Variants in CCDC85A observed in about 807,000 individuals in gnomAD.
CCDC85A encodes the protein coiled-coil domain containing 85A.
In CCDC85A, 38 loss-of-function variants were observed where a neutral mutation model predicts 50.2. The ratio of observed to expected loss-of-function variants is 0.76; its 90% CI spans 0.58 to 0.99. The LOEUF (loss-of-function observed/expected upper bound fraction) is 0.99. Ranked by LOEUF, CCDC85A falls within the 50% of genes least tolerant of loss-of-function variation. CCDC85A has a pLI of 0.00. For missense variants in CCDC85A, 820 were observed against 742.0 expected (o/e 1.11, Z -1.22); for synonymous variants, 366 against 301.4 (o/e 1.21, Z -2.22).
intron 2 of CCDC85A, among the ~76,000 whole-genome samples, chr2:56,312,346 G>T (rs768639312): frequency 3.1e-4 from 47 of 152,000 alleles, no homozygotes; most frequent in Non-Finnish European, 5.6e-4. Context: ...TGCTAAAAAT[G>T]CAAGAAATCA....
rs1311243002 is a variant in CCDC85A, at chr2:56,352,397, G to A, written c.1317+9442G>A. 2.0e-5 allele frequency among the ~76,000 whole-genome samples: 3 copies of A among 152,294 alleles called. No individual in the cohort carries two copies. The East Asian group carries it at 5.8e-4, about 29-fold the overall frequency. On this transcript the variant is annotated intron_variant, in intron 3 of 5. Coordinates refer to ENST00000407595, the MANE Select transcript of CCDC85A (RefSeq NM_001080433.2). ...ACAGGCACTCGCTCTACAGGCTGGA[G>A]TGTAGTGGTGTGATCGCGGCTCACT...
chr2:56,262,370 C>T (rs1460939224), intron 2 of CCDC85A, among the ~76,000 whole-genome samples: 1 of 152,160 alleles, frequency 6.6e-6, no homozygotes, highest in African/African-American at 2.4e-5. Flanking sequence ...CATAAAGACT[C>T]AGTTTTTCTG....
chr2:56,363,948 A>C (rs1675662905), intron 3 of CCDC85A, among the ~76,000 whole-genome samples: 1 of 152,246 alleles, frequency 6.6e-6, no homozygotes, highest in South Asian at 2.1e-4. Flanking sequence ...TGTTCTCAGC[A>C]ACAATGCCAT....
At chr2:56,323,122 C>A (rs1437594566) in intron 2 of CCDC85A, among the ~76,000 whole-genome samples, 1 of 151,996 alleles carries the variant, frequency 6.6e-6, no homozygotes, top group Non-Finnish European at 1.5e-5. Flanking sequence ...GGGTGGGGAA[C>A]ATCACACACC....
intron 4 of CCDC85A, among the ~76,000 whole-genome samples, chr2:56,374,942 C>A (rs1337695277): frequency 2.6e-5 from 4 of 152,150 alleles, no homozygotes; most frequent in African/African-American, 9.7e-5. Context: ...ATGAAAAATT[C>A]TGTAAATAGG....
intron 2 of CCDC85A, among the ~76,000 whole-genome samples, chr2:56,205,216 T>C (rs563120920): frequency 6.6e-6 from 1 of 152,266 alleles, no homozygotes; most frequent in African/African-American, 2.4e-5. Flanking sequence ...CAACTAAAGT[T>C]TGGAAGAGAG....
intron 2 of CCDC85A, among the ~76,000 whole-genome samples, chr2:56,198,692 G>A (rs1477184): frequency 0.032 from 4,812 of 152,260 alleles, 246 homozygotes; most frequent in African/African-American, 0.11. Context: ...TTCTAGTACA[G>A]TGTAAGGTTT....
In CCDC85A at chr2:56,295,286, A is replaced by G. The variant is rs150289066; in HGVS notation, c.1241-47593A>G. On this transcript the variant is annotated intron_variant, in intron 2 of 5. Transcript: ENST00000407595. Reference sequence around the variant, plus strand: ...TTACTTTTTGCTCACAGTTTTTAAGATCAATGTTTTTGAATTTTATAGCAG... The same window carrying G: ...TTACTTTTTGCTCACAGTTTTTAAGGTCAATGTTTTTGAATTTTATAGCAG... 2.0e-3 allele frequency among the ~76,000 whole-genome samples: 301 copies of G among 152,262 alleles called. 3 individuals are homozygous for G. Among genetic ancestry groups the G allele is most frequent in the African/African-American group, 6.3e-3 (261 of 41,568 alleles).
At chr2:56,344,006 T>C (rs1415280524) in intron 3 of CCDC85A, among the ~76,000 whole-genome samples, 2 of 152,154 alleles carry the variant, frequency 1.3e-5, no homozygotes, top group African/African-American at 2.4e-5. Context: ...AATCCTTTTT[T>C]CTTTCTTCCA....
At position 56,233,963 on chromosome 2, in the gene CCDC85A, A is replaced by G. The variant is rs544346390; in HGVS notation, c.1240+40523A>G. Reference sequence around the variant, plus strand: ...TGATGCATAATCAAATTGGAAATGCAAGGGCTGGGTTGTTTCTCAAGCATA... The same window carrying G: ...TGATGCATAATCAAATTGGAAATGCGAGGGCTGGGTTGTTTCTCAAGCATA... On this transcript the variant is annotated intron_variant, in intron 2 of 5. Transcript: ENST00000407595. Among the ~76,000 whole-genome samples the G allele has an allele frequency of 3.3e-5, 5 of 152,338 alleles. No homozygotes were observed. In the South Asian group the frequency reaches 1.0e-3, roughly 32 times the overall value.
intron 2 of CCDC85A, among the ~76,000 whole-genome samples, chr2:56,288,684 C>T (rs981692821): frequency 2.0e-5 from 3 of 149,728 alleles, no homozygotes; most frequent in Non-Finnish European, 4.4e-5. Context: ...TGCTTCTTCC[C>T]ACCATGCCCC....
At chr2:56,264,397 C>T (rs1232641821) in intron 2 of CCDC85A, among the ~76,000 whole-genome samples, 1 of 152,158 alleles carries the variant, frequency 6.6e-6, no homozygotes, top group Non-Finnish European at 1.5e-5. Flanking sequence ...ACCATCTTTT[C>T]TACTTCTAAG....
chr2:56,340,098 C>T (rs916906366), intron 2 of CCDC85A, among the ~76,000 whole-genome samples: 1 of 152,130 alleles, frequency 6.6e-6, no homozygotes, highest in African/African-American at 2.4e-5. Flanking sequence ...GTGATGGGGG[C>T]TTTCTGCACA....
chr2:56,337,337 T>A (rs1028947256), intron 2 of CCDC85A, among the ~76,000 whole-genome samples: 1 of 152,226 alleles, frequency 6.6e-6, no homozygotes, highest in African/African-American at 2.4e-5. Context: ...ACTTTTCTAA[T>A]GTCTAGATGC....
intron 3 of CCDC85A, 73 bp downstream of exon 3, chr2:56,343,028 C>T: frequency 9.7e-7 from 1 of 1,035,508 alleles, no homozygotes; most frequent in South Asian, 1.4e-5. Context: ...AATTTAAAAG[C>T]TCAATGACGT....
chr2:56,325,135 T>G (rs1022362721), intron 2 of CCDC85A, among the ~76,000 whole-genome samples: 1 of 152,094 alleles, frequency 6.6e-6, no homozygotes, highest in Non-Finnish European at 1.5e-5. Context: ...GCACATAATA[T>G]TTCTGTGATA....
intron 2 of CCDC85A, among the ~76,000 whole-genome samples, chr2:56,338,293 T>C (rs1674179416): frequency 1.3e-5 from 2 of 152,206 alleles, no homozygotes; most frequent in African/African-American, 2.4e-5. Context: ...AATGACTTTA[T>C]GATAAAATGA....
intron 2 of CCDC85A, among the ~76,000 whole-genome samples, chr2:56,211,021 A>G (rs986167870): frequency 1.3e-5 from 2 of 152,076 alleles, no homozygotes; most frequent in African/African-American, 2.4e-5. Flanking sequence ...ACCACTCCCT[A>G]TTACATTGCA....
intron 2 of CCDC85A, among the ~76,000 whole-genome samples, chr2:56,260,219 A>T (rs1269224970): frequency 1.8e-4 from 28 of 152,178 alleles, no homozygotes; most frequent in Non-Finnish European, 4.1e-4. Flanking sequence ...GGGAAAATGG[A>T]CCAAAAAATA....
Sources: allele counts gnomAD v4.1 joint callset (sites outside exome capture counted in the v4.1 genomes callset), GRCh38; gene constraint gnomAD v4.1.1; transcripts MANE v1.5; gene names NCBI Gene and HGNC (gene_info 2026-07-23, HGNC 2026-07-21).